Variants in TMEM232 observed in about 807,000 individuals in gnomAD.
The protein encoded by TMEM232 is transmembrane protein 232.
TMEM232 carries 80 observed loss-of-function variants against 78.8 expected under a neutral mutation model. That is an observed-to-expected ratio of 1.01 (90% CI 0.85 to 1.22). TMEM232 has a LOEUF of 1.22. Among genes scored for constraint, TMEM232 ranks in the 50% most tolerant of loss-of-function variants. The probability of loss-of-function intolerance (pLI) is 0.00; values close to 1 mark genes in which losing one functional copy is unlikely to be tolerated. For synonymous variants in TMEM232, 297 were observed against 254.3 expected (o/e 1.17, Z -1.60); for missense variants, 881 against 742.2 (o/e 1.19, Z -2.17).
rs115514799 is a variant in TMEM232, at chr5:110,494,009, C to T, written c.1703+34579G>A. Among the ~76,000 whole-genome samples, 1,019 of 152,134 alleles carry T rather than the reference C, an allele frequency of 6.7e-3. 14 individuals carry two copies. The highest frequency in any genetic ancestry group is 0.023 in the African/African-American group (964 of 41,526). ...TATGTTCTCATTGTCCAACTCAGAA[C>T]ATGCGGTGTTGGTTTTCTGTTCTTG... On this transcript the variant is annotated intron_variant, in intron 12 of 13. Transcript: ENST00000455884.
At chr5:110,616,220 C>T (rs1234570238) in intron 8 of TMEM232, among the ~76,000 whole-genome samples, 1 of 152,020 alleles carries the variant, frequency 6.6e-6, no homozygotes, top group Non-Finnish European at 1.5e-5. Context: ...TGCATACAGA[C>T]ACATTTGCCA....
chr5:110,672,773 A>G (rs1198695488), intron 1 of TMEM232, among the ~76,000 whole-genome samples: 1 of 152,138 alleles, frequency 6.6e-6, no homozygotes, highest in Non-Finnish European at 1.5e-5. Context: ...TCAAATTCCC[A>G]GTAGATCCCA....
chr5:110,667,361 A>C lies in TMEM232; in HGVS notation c.-9T>G. 1 of 1,496,420 alleles carries C rather than the reference A, an allele frequency of 6.7e-7. No individual in the cohort carries two copies. The highest frequency in any genetic ancestry group is 8.9e-7 in the Non-Finnish European group (1 of 1,117,786). 92.7% of individuals were successfully genotyped at this position (1,496,420 alleles called of 1,614,324 possible). A position where few individuals can be genotyped will look rare whatever the true frequency, so the allele number is the denominator to read the frequency against. ...TTAACAGGCATATTCATAAATCATA[A>C]ATTCTAAAAGGAATATTAAATGTAT... On this transcript the variant is annotated 5_prime_UTR_variant, in exon 2 of 14. It adds an upstream start codon to the 5' untranslated region. Transcript: ENST00000455884.
At chr5:110,450,518 T>C (rs920827444) in intron 12 of TMEM232, among the ~76,000 whole-genome samples, 2 of 152,258 alleles carry the variant, frequency 1.3e-5, no homozygotes, top group Admixed American at 1.3e-4. Flanking sequence ...CATGTCAAAA[T>C]AGAGCCCCTG....
chr5:110,681,206 C>A (rs887450866), intron 1 of TMEM232, among the ~76,000 whole-genome samples: 3 of 152,092 alleles, frequency 2.0e-5, no homozygotes, highest in Non-Finnish European at 4.4e-5. Context: ...TGTTGATAGC[C>A]ATAAAAAGAC....
At chr5:110,466,814 G>T (rs313602) in intron 12 of TMEM232, among the ~76,000 whole-genome samples, 1 of 151,108 alleles carries the variant, frequency 6.6e-6, no homozygotes, top group South Asian at 2.1e-4. Flanking sequence ...ACGGGGTTTC[G>T]CTGTATTAGC....
intron 8 of TMEM232, among the ~76,000 whole-genome samples, chr5:110,613,432 GTC>G (rs1177097678): frequency 2.0e-5 from 3 of 152,054 alleles, no homozygotes; most frequent in Non-Finnish European, 4.4e-5. Context: ...CAGTTGAATG[GTC>G]TCTCTTTGCT....
At chr5:110,732,648 C>A (rs924133239) in intron 2 of TMEM232, among the ~76,000 whole-genome samples, 1 of 152,198 alleles carries the variant, frequency 6.6e-6, no homozygotes, top group African/African-American at 2.4e-5. Context: ...CAATTACCTC[C>A]CCCTGGGTCC....
intron 12 of TMEM232, among the ~76,000 whole-genome samples, chr5:110,526,179 CA>C (rs912200829): frequency 1.4e-5 from 2 of 147,562 alleles, no homozygotes; most frequent in Admixed American, 6.7e-5. Flanking sequence ...ATAAATAGAA[CA>C]AAAAAATCCA....
At chr5:110,399,011 T>G (rs1431266704) in intron 2 of TMEM232, among the ~76,000 whole-genome samples, 1 of 152,002 alleles carries the variant, frequency 6.6e-6, no homozygotes, top group African/African-American at 2.4e-5. Flanking sequence ...TAGAATCTGT[T>G]TTTTCAGCCC....
At chr5:110,635,051 T>G (rs1449210234) in intron 5 of TMEM232, among the ~76,000 whole-genome samples, 1 of 152,056 alleles carries the variant, frequency 6.6e-6, no homozygotes, top group African/African-American at 2.4e-5. Flanking sequence ...CAGAGACTAT[T>G]GTAAACAACT....
intron 12 of TMEM232, among the ~76,000 whole-genome samples, chr5:110,492,251 T>A (rs1384142408): frequency 1.3e-5 from 2 of 151,722 alleles, no homozygotes; most frequent in Non-Finnish European, 2.9e-5. Flanking sequence ...AAGCACATAA[T>A]ATTATTAACA....
At chr5:110,500,870 GA>G (rs1275740629) in intron 12 of TMEM232, among the ~76,000 whole-genome samples, 1 of 152,110 alleles carries the variant, frequency 6.6e-6, no homozygotes, top group Admixed American at 6.6e-5. Context: ...TTTGTGTTGT[GA>G]AAATGTAAAG....
chr5:110,542,124 G>A (rs1773209494), intron 11 of TMEM232, among the ~76,000 whole-genome samples: 2 of 152,134 alleles, frequency 1.3e-5, no homozygotes, highest in Non-Finnish European at 1.5e-5. Context: ...CTACACCTGT[G>A]AACTTGTGAA....
At chr5:110,480,546 A>G (rs1253753533) in intron 12 of TMEM232, among the ~76,000 whole-genome samples, 1 of 152,034 alleles carries the variant, frequency 6.6e-6, no homozygotes, top group African/African-American at 2.4e-5. Flanking sequence ...ATTCTGCTAG[A>G]TTTCTATTTT....
intron 1 of TMEM232, among the ~76,000 whole-genome samples, chr5:110,696,060 T>C (rs967523934): frequency 1.3e-5 from 2 of 152,154 alleles, no homozygotes; most frequent in South Asian, 2.1e-4. Flanking sequence ...CTCAATAAAA[T>C]ACTGGCAAAC....
At chr5:110,629,069 T>C (rs1784792747) in intron 5 of TMEM232, 1 of 152,040 alleles carries the variant, frequency 6.6e-6, no homozygotes, top group African/African-American at 2.4e-5. Context: ...TGTAGTACTG[T>C]GTTTCTCTAA....
intron 10 of TMEM232, among the ~76,000 whole-genome samples, chr5:110,593,952 T>C (rs936891856): frequency 6.6e-6 from 1 of 151,936 alleles, no homozygotes; most frequent in African/African-American, 2.4e-5. Context: ...ACACCTACTA[T>C]GTATACTCAA....
chr5:110,461,004 T>A (rs1561524036), intron 12 of TMEM232, among the ~76,000 whole-genome samples: 3 of 152,084 alleles, frequency 2.0e-5, no homozygotes. Context: ...CCCTGAGGCA[T>A]AACGATATTT....
Sources: allele counts gnomAD v4.1 joint callset (sites outside exome capture counted in the v4.1 genomes callset), GRCh38; gene constraint gnomAD v4.1.1; transcripts MANE v1.5; gene names NCBI Gene and HGNC (gene_info 2026-07-23, HGNC 2026-07-21).